Variants in SNX30 observed in about 807,000 individuals in gnomAD.
SNX30 encodes the protein sorting nexin family member 30, also known as sorting nexin-30.
A neutral mutation model predicts 46.4 loss-of-function variants in SNX30; 24 were observed. That is an observed-to-expected ratio of 0.52 (90% CI 0.37 to 0.73). SNX30 has a LOEUF of 0.73. Among genes scored for constraint, SNX30 ranks in the 30% least tolerant of loss-of-function variants. The pLI, the probability that SNX30 is intolerant of heterozygous loss-of-function variation, is 0.00. For missense variants in SNX30, 533 were observed against 555.7 expected, an observed-to-expected ratio of 0.96 and a Z score of 0.41; for synonymous variants, 189 against 211.5, an observed-to-expected ratio of 0.89 and a Z score of 0.92.
At chr9:112,809,014 A>G (rs765144742) in intron 2 of SNX30, among the ~76,000 whole-genome samples, 1 of 152,212 alleles carries the variant, frequency 6.6e-6, no homozygotes, top group African/African-American at 2.4e-5. Context: ...TGGTGGAGCT[A>G]GAACTTGAGT....
Position 112,762,512 on chromosome 9 carries a change from G to A in SNX30, c.156+11355G>A, listed in dbSNP as rs116750565. ...GTTGCGGTAGCATGTGAAAAATGCT[G>A]CATGTATTTACTTAGCTCTGTGGCC... On this transcript the variant is annotated intron_variant, in intron 1 of 8. Transcript: ENST00000374232. Among the ~76,000 whole-genome samples the A allele has an allele frequency of 7.9e-4, 119 of 151,060 alleles. 1 individual carries two copies. The highest frequency in any genetic ancestry group is 2.8e-3 in the African/African-American group (112 of 40,426).
chr9:112,882,706 C>T (rs1306332077), downstream of SNX30, among the ~76,000 whole-genome samples: 1 of 152,014 alleles, frequency 6.6e-6, no homozygotes, highest in African/African-American at 2.4e-5. Context: ...AGATGAAGGA[C>T]AGGTTTCTAC....
Position 112,843,626 on chromosome 9 carries a change from C to CTTTTTTTT in SNX30, c.1014+4941_1014+4948dup, listed in dbSNP as rs35950913. ...AGGTAGGAGCCTGGTCCTGCAGTAG[C>CTTTTTTTT]TTTTTTTTTTTTTTTTTTTAGACAG... On this transcript the variant is annotated intron_variant, in intron 6 of 8. Transcript: ENST00000374232. Among the ~76,000 whole-genome samples the CTTTTTTTT allele has an allele frequency of 7.4e-4, 78 of 105,226 alleles. 4 individuals carry two copies. The highest frequency in any genetic ancestry group is 2.5e-3 in the African/African-American group (69 of 28,014). 69.0% of individuals were successfully genotyped at this position (105,226 alleles called of 152,430 possible).
intron 3 of SNX30, among the ~76,000 whole-genome samples, chr9:112,818,291 TC>T (rs1270503297): frequency 2.0e-5 from 3 of 147,330 alleles, no homozygotes; most frequent in African/African-American, 7.5e-5. Flanking sequence ...AACCTCCGAC[TC>T]CCAGGTTCAA....
chr9:112,780,098 G>T (rs920813163), intron 1 of SNX30, among the ~76,000 whole-genome samples: 14 of 152,176 alleles, frequency 9.2e-5, no homozygotes, highest in African/African-American at 3.4e-4. Flanking sequence ...TTTGGAGGAG[G>T]CACCTGCTGT....
chr9:112,820,375 G>A (rs1370541950), intron 3 of SNX30, among the ~76,000 whole-genome samples: 1 of 152,126 alleles, frequency 6.6e-6, no homozygotes, highest in African/African-American at 2.4e-5. Flanking sequence ...GCTTTGCTAG[G>A]AGGTGTCTGT....
At chr9:112,849,161 G>A (rs893156420) in intron 6 of SNX30, among the ~76,000 whole-genome samples, 18 of 152,130 alleles carry the variant, frequency 1.2e-4, no homozygotes, top group Admixed American at 1.1e-3. Flanking sequence ...ATTGCACCTT[G>A]GGGAACCACA....
chr9:112,824,514 A>G (rs919456284), intron 3 of SNX30, among the ~76,000 whole-genome samples: 3 of 147,592 alleles, frequency 2.0e-5, no homozygotes, highest in African/African-American at 7.5e-5. Flanking sequence ...CCACTCCCTC[A>G]CCCCTACACC....
chr9:112,836,783 TG>T (rs1415028975), intron 5 of SNX30, among the ~76,000 whole-genome samples: 2 of 152,236 alleles, frequency 1.3e-5, no homozygotes, highest in Non-Finnish European at 2.9e-5. Flanking sequence ...GGCAGAAAGA[TG>T]GTTCAGAAAG....
downstream of SNX30, chr9:112,879,872 G>A: frequency 6.6e-7 from 1 of 1,515,138 alleles, no homozygotes; most frequent in South Asian, 1.1e-5. Flanking sequence ...ATGGGGTAAA[G>A]GTGAAACTGC....
chr9:112,763,087 A>T (rs1322954156), intron 1 of SNX30, among the ~76,000 whole-genome samples: 1 of 152,154 alleles, frequency 6.6e-6, no homozygotes, highest in Non-Finnish European at 1.5e-5. Context: ...GGTGGAAGTC[A>T]GACCAGTGGG....
At chr9:112,752,155 G>C (rs915138586) in intron 1 of SNX30, among the ~76,000 whole-genome samples, 1 of 152,184 alleles carries the variant, frequency 6.6e-6, no homozygotes, top group Non-Finnish European at 1.5e-5. Context: ...GGGACACCAT[G>C]TGGTACAGTG....
intron 7 of SNX30, among the ~76,000 whole-genome samples, chr9:112,857,699 T>C (rs1016907631): frequency 6.6e-6 from 1 of 152,120 alleles, no homozygotes; most frequent in Non-Finnish European, 1.5e-5. Context: ...GAGACTTAAG[T>C]TGAGATTTCT....
upstream of SNX30, among the ~76,000 whole-genome samples, chr9:112,750,082 G>A (rs1176235575): frequency 6.6e-6 from 1 of 152,214 alleles, no homozygotes; most frequent in African/African-American, 2.4e-5. Flanking sequence ...GAACCTCATG[G>A]TTCTTTCAAA....
In SNX30 at chr9:112,864,411, G is replaced by A. The variant is rs1299490211; in HGVS notation, c.1254+12G>A. The A allele has an allele frequency of 6.2e-7, 1 of 1,613,888 alleles. No homozygotes were observed. The highest frequency in any genetic ancestry group is 2.2e-5 in the East Asian group (1 of 44,898). ...AGTATTATGAGAAGGTAATGAGTGT[G>A]CCCAACAAGACTGGTTTCTAATGGC... On this transcript the variant is annotated intron_variant, in intron 8 of 8. Coordinates refer to ENST00000374232, the MANE Select transcript of SNX30 (RefSeq NM_001012994.2).
At chr9:112,750,626 T>TCCTG (rs1839248065), upstream of SNX30, among the ~76,000 whole-genome samples, 1 of 151,132 alleles carries the variant, frequency 6.6e-6, no homozygotes, top group African/African-American at 2.4e-5. Context: ...GGGCCGCGCC[T>TCCTG]CCTCCCTCCC....
downstream of SNX30, among the ~76,000 whole-genome samples, chr9:112,876,711 T>C (rs1305773349): frequency 3.3e-5 from 5 of 151,654 alleles, no homozygotes; most frequent in Non-Finnish European, 7.4e-5. Context: ...TCGAGGCAGG[T>C]GGATCATTTG....
chr9:112,774,740 C>G (rs879423422), intron 1 of SNX30, among the ~76,000 whole-genome samples: 2 of 151,690 alleles, frequency 1.3e-5, no homozygotes, highest in Non-Finnish European at 2.9e-5. Context: ...TGCAAATTGG[C>G]TATTCTGTAT....
chr9:112,884,561 T>C (rs1588149414), downstream of SNX30, among the ~76,000 whole-genome samples: 1 of 151,924 alleles, frequency 6.6e-6, no homozygotes, highest in East Asian at 1.9e-4. Flanking sequence ...AAATTTCCTA[T>C]GCCCAGGCTG....
Sources: allele counts gnomAD v4.1 joint callset (sites outside exome capture counted in the v4.1 genomes callset), GRCh38; gene constraint gnomAD v4.1.1; transcripts MANE v1.5; gene names NCBI Gene and HGNC (gene_info 2026-07-23, HGNC 2026-07-21).